The following PRDM6 variants were observed in gnomAD, a reference collection of about 807,000 sequenced individuals.
PRDM6 encodes putative histone-lysine N-methyltransferase PRDM6.
A neutral mutation model predicts 60.8 loss-of-function variants in PRDM6; 25 were observed. That is an observed-to-expected ratio of 0.41 (90% CI 0.30 to 0.57). PRDM6 has a LOEUF of 0.57. Ranked by LOEUF, PRDM6 falls within the 20% of genes least tolerant of loss-of-function variation. The pLI, the probability that PRDM6 is intolerant of heterozygous loss-of-function variation, is 0.27. For synonymous variants in PRDM6, 407 were observed against 357.4 expected (o/e 1.14, Z -1.57); for missense variants, 839 against 821.3 (o/e 1.02, Z -0.26).
intron 3 of PRDM6, among the ~76,000 whole-genome samples, chr5:123,124,656 A>G (rs1174065354): frequency 1.3e-5 from 2 of 152,206 alleles, no homozygotes; most frequent in Non-Finnish European, 2.9e-5. Context: ...GGCTCTTCCC[A>G]AGAGGAAAGT....
chr5:123,107,019 A>C (rs977506490), intron 3 of PRDM6, among the ~76,000 whole-genome samples: 18 of 152,166 alleles, frequency 1.2e-4, no homozygotes, highest in Non-Finnish European at 1.9e-4. Flanking sequence ...TTTTCAAGGA[A>C]TCTTACAATT....
At position 123,189,488 on chromosome 5, in the gene PRDM6, G is replaced by A. The variant is rs1261215915; in HGVS notation, c.*2287G>A. On this transcript the variant is annotated 3_prime_UTR_variant, in exon 8 of 8. Coordinates refer to ENST00000407847, the MANE Select transcript of PRDM6 (RefSeq NM_001136239.4). ...CCTCCCTTGATGTCTGGCATGGGAA[G>A]GTTTTCCTTAACAATGATCTCTCTG... 2 of 152,152 alleles carry A rather than the reference G, an allele frequency of 1.3e-5. No individual in the cohort carries two copies. Among genetic ancestry groups the A allele is most frequent in the Non-Finnish European group, 2.9e-5 (2 of 68,030 alleles). 9.4% of individuals were successfully genotyped at this position (152,152 alleles called of 1,614,324 possible).
chr5:123,155,950 A>G lies in PRDM6; in HGVS notation c.967A>G (p.Met323Val). Residue 323 changes from methionine (M) to valine (V), a missense_variant, in exon 4 of 8, where the codon ATG becomes GTG. By Grantham distance (21) the Met-to-Val change is conservative. Around this residue, in one of 2 missense-constraint regions of PRDM6, gnomAD observed 730 missense variants for 648.8 expected, o/e 1.13. Coordinates refer to ENST00000407847, the MANE Select transcript of PRDM6 (RefSeq NM_001136239.4). ...DGGEPSKSSW[M>V]RYIRCARHCG... ...TGGGGAACCTAGTAAGTCGAGCTGG[A>G]TGAGGTATATCCGATGTGCAAGGCA... The G allele has an allele frequency of 6.4e-7, 1 of 1,551,696 alleles. No homozygotes were observed. The highest frequency in any genetic ancestry group is 8.7e-7 in the Non-Finnish European group (1 of 1,146,924).
At chr5:123,142,825 G>A (rs146387567) in intron 3 of PRDM6, among the ~76,000 whole-genome samples, 43 of 116,254 alleles carry the variant, frequency 3.7e-4, no homozygotes, top group African/African-American at 1.4e-3. Context: ...GGTAAAACCA[G>A]TATATCACAA....
chr5:123,090,170 G>GCCGCCGCCGCCC lies in PRDM6; in HGVS notation c.162_173dup (p.Pro56_Pro59dup), dbSNP rs1763784201. The GCCGCCGCCGCCC allele has an allele frequency of 1.3e-6, 2 of 1,491,330 alleles. No individual in the cohort carries two copies. The highest frequency in any genetic ancestry group is 1.8e-6 in the Non-Finnish European group (2 of 1,123,528). 92.4% of individuals were successfully genotyped at this position (1,491,330 alleles called of 1,614,324 possible). ...TGAGCGCGCCGCAGCCTCTTCAGCCGCCGCCGCCGCCCCCGCCCCCGGAGC... is the reference window on the plus strand; with the variant it reads ...TGAGCGCGCCGCAGCCTCTTCAGCCGCCGCCGCCGCCCCCGCCGCCGCCCCCGCCCCCGGAGC... On this transcript the variant is annotated inframe_insertion, in exon 2 of 8. Coordinates refer to ENST00000407847, the MANE Select transcript of PRDM6 (RefSeq NM_001136239.4).
At position 123,090,221 on chromosome 5, in the gene PRDM6, G is replaced by A; in HGVS notation, c.207G>A (p.Leu69=). ...GCGCTGAGCCTCCGCCGGACAGCCT[G>A]CGCCCGCGGCCCGCCTCTCTCTCCT... is the stretch of plus-strand genomic sequence containing the variant. The part of the protein sequence containing the change: ...PERAEPPPDS[L]RPRPASLSSA... Residue 69 remains leucine (L), a synonymous_variant, in exon 2 of 8, where the codon CTG becomes CTA. Coordinates refer to ENST00000407847, the MANE Select transcript of PRDM6 (RefSeq NM_001136239.4). 1 of 1,474,340 alleles carries A rather than the reference G, an allele frequency of 6.8e-7. No homozygotes were observed. Among genetic ancestry groups the A allele is most frequent in the Non-Finnish European group, 9.0e-7 (1 of 1,114,446 alleles). The allele number at this position is 1,474,340 out of a possible 1,614,324, so 91.3% of individuals were successfully genotyped here.
intron 7 of PRDM6, among the ~76,000 whole-genome samples, chr5:123,182,093 C>T (rs1766178438): frequency 6.6e-6 from 1 of 152,214 alleles, no homozygotes; most frequent in Admixed American, 6.5e-5. Context: ...TACTATGCCA[C>T]CCATGCTGTG....
At chr5:123,127,670 G>A (rs147605875) in intron 3 of PRDM6, among the ~76,000 whole-genome samples, 110 of 151,618 alleles carry the variant, frequency 7.3e-4, no homozygotes, top group African/African-American at 2.4e-3. Flanking sequence ...CTATTCTAAG[G>A]GATTTCTTCT....
intron 2 of PRDM6, among the ~76,000 whole-genome samples, chr5:123,097,823 G>A (rs188923164): frequency 1.9e-3 from 295 of 152,306 alleles, no homozygotes; most frequent in Admixed American, 4.1e-3. Context: ...GAGGCCCAGC[G>A]GCATGGACAC....
chr5:123,090,149 C>A lies in PRDM6; in HGVS notation c.135C>A (p.Ser45Arg). The A allele has an allele frequency of 1.3e-6, 2 of 1,528,892 alleles. No individual in the cohort carries two copies. Among genetic ancestry groups the A allele is most frequent in the South Asian group, 1.2e-5 (1 of 82,578 alleles). The allele number at this position is 1,528,892 out of a possible 1,614,324, so 94.7% of individuals were successfully genotyped here. A position where few individuals can be genotyped will look rare whatever the true frequency, so the allele number is the denominator to read the frequency against. Reference protein sequence around the residue: ...LKGSGAAGLLSAPQPLQPPPP... With the variant: ...LKGSGAAGLLRAPQPLQPPPP... Reference sequence around the variant, plus strand: ...GCAGCGGCGCCGCGGGTCTCCTGAGCGCGCCGCAGCCTCTTCAGCCGCCGC... The same window carrying A: ...GCAGCGGCGCCGCGGGTCTCCTGAGAGCGCCGCAGCCTCTTCAGCCGCCGC... The change falls in exon 2 of 8, where the codon AGC becomes AGA. Residue 45 changes from serine (S) to arginine (R), a missense_variant. Ser to Arg is a moderately radical substitution (Grantham distance 110, BLOSUM62 -1). Around this residue, in one of 2 missense-constraint regions of PRDM6, gnomAD observed 730 missense variants for 648.8 expected, o/e 1.13. Coordinates refer to ENST00000407847, the MANE Select transcript of PRDM6 (RefSeq NM_001136239.4).
intron 3 of PRDM6, among the ~76,000 whole-genome samples, chr5:123,120,971 A>G (rs1466916001): frequency 6.6e-6 from 1 of 152,226 alleles, no homozygotes; most frequent in Non-Finnish European, 1.5e-5. Context: ...TACTTATTAA[A>G]TGTGGGACCT....
intron 3 of PRDM6, among the ~76,000 whole-genome samples, chr5:123,130,588 G>T (rs66501867): frequency 1.4e-4 from 21 of 149,412 alleles, no homozygotes; most frequent in Non-Finnish European, 1.9e-4. Flanking sequence ...TTTTGAGACA[G>T]AGTTTCTTTC....
intron 7 of PRDM6, among the ~76,000 whole-genome samples, chr5:123,185,550 T>TG (rs1766267589): frequency 6.6e-6 from 1 of 152,224 alleles, no homozygotes; most frequent in African/African-American, 2.4e-5. Context: ...CTGATAGGTC[T>TG]GATACATTAA....
chr5:123,090,183 C>A lies in PRDM6; in HGVS notation c.169C>A (p.Pro57Thr), dbSNP rs555605131. The change falls in exon 2 of 8, where the codon CCG becomes ACG. Residue 57 changes from proline (P) to threonine (T), a missense_variant. Transcript: ENST00000407847. Reference sequence around the variant, plus strand: ...GCCTCTTCAGCCGCCGCCGCCGCCCCCGCCCCCGGAGCGCGCTGAGCCTCC... The same window carrying A: ...GCCTCTTCAGCCGCCGCCGCCGCCCACGCCCCCGGAGCGCGCTGAGCCTCC... ...PQPLQPPPPPPPPERAEPPPD... is the reference protein window; with the variant it reads ...PQPLQPPPPPTPPERAEPPPD... 1.7e-5 allele frequency: 25 copies of A among 1,487,846 alleles called. No homozygotes were observed. Among genetic ancestry groups the A allele is most frequent in the African/African-American group, 4.4e-5 (3 of 67,992 alleles). 92.2% of individuals were successfully genotyped at this position (1,487,846 alleles called of 1,614,324 possible). A position where few individuals can be genotyped will look rare whatever the true frequency, so the allele number is the denominator to read the frequency against.
intron 3 of PRDM6, among the ~76,000 whole-genome samples, chr5:123,111,707 CAAA>C (rs70988559): frequency 9.6e-6 from 1 of 103,814 alleles, no homozygotes; most frequent in Non-Finnish European, 2.2e-5. Flanking sequence ...CAAAACAAAA[CAAA>C]AAAAAAACAA....
chr5:123,118,078 A>G (rs952197452), intron 3 of PRDM6, among the ~76,000 whole-genome samples: 2 of 152,220 alleles, frequency 1.3e-5, no homozygotes, highest in East Asian at 3.8e-4. Context: ...TGGGCACCTG[A>G]TTTTGAAAAT....
chr5:123,137,803 AT>A (rs960959909), intron 3 of PRDM6, among the ~76,000 whole-genome samples: 5 of 152,208 alleles, frequency 3.3e-5, no homozygotes, highest in African/African-American at 1.2e-4. Context: ...ATAGAAAAAA[AT>A]AATTTTAGGT....
intron 3 of PRDM6, among the ~76,000 whole-genome samples, chr5:123,125,624 T>C (rs771269222): frequency 6.6e-6 from 1 of 152,190 alleles, no homozygotes; most frequent in African/African-American, 2.4e-5. Flanking sequence ...AAGGATACTC[T>C]TGGCTGGGGG....
Position 123,194,103 on chromosome 5 carries a change from A to C in PRDM6, c.*6902A>C, listed in dbSNP as rs1403785638. On this transcript the variant is annotated 3_prime_UTR_variant, in exon 8 of 8. Transcript: ENST00000407847. The stretch of plus-strand genomic sequence containing the variant: ...TAAACTCACATTATTTAATGAAAAA[A>C]TAACTGCAAAGGACCAATGAGATCA... The C allele has an allele frequency of 1.3e-5, 2 of 152,222 alleles. No individual in the cohort carries two copies. Among genetic ancestry groups the C allele is most frequent in the African/African-American group, 2.4e-5 (1 of 41,464 alleles). 9.4% of individuals were successfully genotyped at this position (152,222 alleles called of 1,614,324 possible).
Sources: allele counts gnomAD v4.1 joint callset (sites outside exome capture counted in the v4.1 genomes callset), GRCh38; gene constraint gnomAD v4.1.1; regional missense constraint gnomAD v4.1.1; transcripts MANE v1.5; gene names NCBI Gene and HGNC (gene_info 2026-07-23, HGNC 2026-07-21).